Variants in RYR2 observed in about 807,000 individuals in gnomAD.
The protein encoded by RYR2 is cardiac muscle ryanodine receptor-calcium release channel.
A neutral mutation model predicts 601.1 loss-of-function variants in RYR2; 227 were observed. The ratio of observed to expected loss-of-function variants is 0.38; its 90% CI spans 0.34 to 0.42. The LOEUF is 0.42. Among genes scored for constraint, RYR2 ranks in the 10% least tolerant of loss-of-function variants. RYR2 has a pLI of 1.00. For synonymous variants in RYR2, 2,223 were observed against 2,175.1 expected (o/e 1.02, Z -0.61); for missense variants, 4,646 against 6,156.5 (o/e 0.75, Z 8.21).
chr1:237,117,527 A>G (rs1242178534), intron 1 of RYR2, among the ~76,000 whole-genome samples: 1 of 152,058 alleles, frequency 6.6e-6, no homozygotes, highest in Non-Finnish European at 1.5e-5. Context: ...CATGCCCTGG[A>G]CTGAGATACT....
intron 1 of RYR2, among the ~76,000 whole-genome samples, chr1:237,171,233 C>A (rs78845423): frequency 1.8e-4 from 26 of 141,698 alleles, no homozygotes; most frequent in South Asian, 2.3e-4. Flanking sequence ...GACTCCATCT[C>A]AAAAAAAAAA....
chr1:237,455,612 A>C (rs1016045062), intron 15 of RYR2, among the ~76,000 whole-genome samples: 1 of 152,138 alleles, frequency 6.6e-6, no homozygotes, highest in East Asian at 1.9e-4. Context: ...AACAAACAAA[A>C]CCAGAAAGGG....
At chr1:237,541,585 G>A (rs942537854) in intron 25 of RYR2, among the ~76,000 whole-genome samples, 2 of 151,950 alleles carry the variant, frequency 1.3e-5, no homozygotes, top group Admixed American at 6.6e-5. Flanking sequence ...TTTCATGCGC[G>A]TCCGTGTGAA....
chr1:237,713,762 C>G (rs1689033777), intron 71 of RYR2, among the ~76,000 whole-genome samples: 1 of 152,070 alleles, frequency 6.6e-6, no homozygotes, highest in African/African-American at 2.4e-5. Flanking sequence ...TACAAGTTCT[C>G]TGTGTTTATT....
At chr1:237,496,850 G>A in intron 20 of RYR2, 98 bp downstream of exon 20, 1 of 1,380,948 alleles carries the variant, frequency 7.2e-7, no homozygotes, top group Non-Finnish European at 9.8e-7. Flanking sequence ...ACTTCTATAG[G>A]GTATTAATTA....
intron 56 of RYR2, among the ~76,000 whole-genome samples, chr1:237,662,035 T>G: frequency 6.6e-6 from 1 of 152,104 alleles, no homozygotes; most frequent in East Asian, 1.9e-4. Context: ...TATTGTTTAT[T>G]ATTGCTATTT....
intron 2 of RYR2, among the ~76,000 whole-genome samples, chr1:237,291,921 G>T (rs988225047): frequency 6.6e-6 from 1 of 152,218 alleles, no homozygotes; most frequent in Non-Finnish European, 1.5e-5. Flanking sequence ...GTCTTTGGGG[G>T]ATAGTGATAC....
At chr1:237,355,938 A>G (rs779875979) in intron 3 of RYR2, 27 bp from the exon 4 acceptor site, 2 of 1,584,324 alleles carry the variant, frequency 1.3e-6, no homozygotes, top group Middle Eastern at 1.8e-4. Context: ...TTTGTTTGTT[A>G]TTTATTTTGG....
chr1:237,754,147 G>T (rs1238877966), intron 80 of RYR2, among the ~76,000 whole-genome samples: 2 of 135,382 alleles, frequency 1.5e-5, no homozygotes, highest in Non-Finnish European at 3.1e-5. Flanking sequence ...TGTCTTTTTG[G>T]CTCAATGTTT....
chr1:237,459,479 G>C (rs1413277953), intron 16 of RYR2, among the ~76,000 whole-genome samples: 1 of 152,096 alleles, frequency 6.6e-6, no homozygotes, highest in Non-Finnish European at 1.5e-5. Flanking sequence ...AAAGAACATT[G>C]TTTTTTAGGT....
chr1:237,375,577 T>C (rs1219797419), intron 7 of RYR2, among the ~76,000 whole-genome samples: 1 of 152,192 alleles, frequency 6.6e-6, no homozygotes, highest in Non-Finnish European at 1.5e-5. Flanking sequence ...ACTAAATCTT[T>C]TACAAACAAC....
intron 4 of RYR2, among the ~76,000 whole-genome samples, chr1:237,361,642 C>A (rs1699789200): frequency 6.6e-6 from 1 of 152,136 alleles, no homozygotes; most frequent in Admixed American, 6.6e-5. Flanking sequence ...ATAACAGTTT[C>A]TTTTAAAAGT....
chr1:237,584,577 T>C (rs1254741491), intron 29 of RYR2, among the ~76,000 whole-genome samples: 1 of 151,218 alleles, frequency 6.6e-6, no homozygotes, highest in Non-Finnish European at 1.5e-5. Flanking sequence ...CCTGATACTC[T>C]ATGAAGACAA....
In RYR2 at chr1:237,589,787, TCCCA is replaced by T; in HGVS notation, c.3599-5_3599-2del. On this transcript the variant is annotated splice_acceptor_variant and splice_polypyrimidine_tract_variant and intron_variant, in intron 29 of 104. Transcript: ENST00000366574. LOFTEE classifies it high-confidence loss of function. ...TACTAAAACTTGATTTTTTTTTTCTTCCCAGGATTCATACCTGTGTGTAGCCTTG... is the reference window on the plus strand; with the variant it reads ...TACTAAAACTTGATTTTTTTTTTCTTGGATTCATACCTGTGTGTAGCCTTG... 4 of 1,612,948 alleles carry T rather than the reference TCCCA, an allele frequency of 2.5e-6. No homozygotes were observed. The Admixed American group carries it at 5.0e-5, about 20-fold the overall frequency.
At chr1:237,747,804 A>AAT (rs1692207152) in intron 80 of RYR2, among the ~76,000 whole-genome samples, 1 of 152,200 alleles carries the variant, frequency 6.6e-6, no homozygotes, top group African/African-American at 2.4e-5. Context: ...ACGGATATAA[A>AAT]ATATTGAAAC....
intron 1 of RYR2, among the ~76,000 whole-genome samples, chr1:237,077,791 A>G (rs1473902356): frequency 6.6e-6 from 1 of 152,242 alleles, no homozygotes; most frequent in Non-Finnish European, 1.5e-5. Flanking sequence ...AGACATCTAC[A>G]GAACCATCCA....
In RYR2 at chr1:237,651,435, G is replaced by A. The variant is rs1457331170; in HGVS notation, c.7758G>A (p.Gln2586=). The A allele has an allele frequency of 4.4e-6, 7 of 1,596,422 alleles. No individual in the cohort carries two copies. Among genetic ancestry groups the A allele is most frequent in the Non-Finnish European group, 6.0e-6 (7 of 1,170,484 alleles). Residue 2586 remains glutamine, a synonymous_variant, in exon 51 of 105, where the codon CAG becomes CAA. Coordinates refer to ENST00000366574, the MANE Select transcript of RYR2 (RefSeq NM_001035.3). The stretch of plus-strand genomic sequence containing the variant: ...GACAACTGAGACCTTCTATGATGCA[G>A]CACTTACTCAGAAGATTAGTATTTG... ...ICGQLRPSMM[Q]HLLRRLVFDV...
chr1:237,099,377 A>G (rs974447201), intron 1 of RYR2, among the ~76,000 whole-genome samples: 5 of 152,130 alleles, frequency 3.3e-5, no homozygotes, highest in African/African-American at 1.2e-4. Context: ...AGCTGGGACC[A>G]TAAGTGCACA....
intron 23 of RYR2, among the ~76,000 whole-genome samples, chr1:237,508,067 G>A (rs775473592): frequency 1.3e-5 from 2 of 152,022 alleles, no homozygotes; most frequent in African/African-American, 4.8e-5. Flanking sequence ...CGGTTTAAGC[G>A]ATTCTCCTGC....
Sources: allele counts gnomAD v4.1 joint callset (sites outside exome capture counted in the v4.1 genomes callset), GRCh38; gene constraint gnomAD v4.1.1; transcripts MANE v1.5; gene names NCBI Gene and HGNC (gene_info 2026-07-23, HGNC 2026-07-21).